PTPRD: variants seen among roughly 807,000 people sequenced by gnomAD.
The protein encoded by PTPRD is protein tyrosine phosphatase receptor type D, also known as receptor-type tyrosine-protein phosphatase delta.
Under a neutral mutation model 214.5 loss-of-function variants are expected in PTPRD, and 34 were observed. The observed-to-expected ratio is 0.16, with a 90% CI of 0.12 to 0.21. PTPRD has a LOEUF of 0.21. Among genes scored for constraint, PTPRD ranks in the 10% least tolerant of loss-of-function variants. PTPRD has a pLI of 1.00. For missense variants in PTPRD, 2,545 were observed against 2,398.7 expected (o/e 1.06, Z -1.27); for synonymous variants, 1,128 against 845.7 (o/e 1.33, Z -5.79).
intron 12 of PTPRD, among the ~76,000 whole-genome samples, chr9:8,730,582 C>T (rs1276295733): frequency 2.6e-5 from 4 of 152,172 alleles, no homozygotes; most frequent in Admixed American, 6.5e-5. Flanking sequence ...AAAGAAGATG[C>T]TAACAGTAGG....
At chr9:9,697,271 G>A (rs1165263081) in intron 7 of PTPRD, among the ~76,000 whole-genome samples, 1 of 151,974 alleles carries the variant, frequency 6.6e-6, no homozygotes, top group Non-Finnish European at 1.5e-5. Context: ...TTTTACAAGT[G>A]AACTTAATAA....
intron 11 of PTPRD, among the ~76,000 whole-genome samples, chr9:8,840,149 C>A (rs1430189618): frequency 6.6e-6 from 1 of 152,100 alleles, no homozygotes; most frequent in Non-Finnish European, 1.5e-5. Context: ...AGTATTAGAG[C>A]AGTACACATT....
At chr9:10,610,663 A>T (rs1591966751) in intron 2 of PTPRD, among the ~76,000 whole-genome samples, 1 of 152,152 alleles carries the variant, frequency 6.6e-6, no homozygotes, top group Non-Finnish European at 1.5e-5. Flanking sequence ...GTTAGCTAAG[A>T]GCAGTAATAT....
At chr9:8,633,259 A>C (rs1364858173) in intron 14 of PTPRD, 58 bp downstream of exon 14, 6 of 1,577,120 alleles carry the variant, frequency 3.8e-6, no homozygotes, top group Admixed American at 1.9e-5. Context: ...ATGATGCTAC[A>C]AAAGAGATAC....
intron 3 of PTPRD, among the ~76,000 whole-genome samples, chr9:10,061,750 G>A (rs426448): frequency 0.17 from 25,093 of 151,984 alleles, 4,648 homozygotes; most frequent in African/African-American, 0.46. Flanking sequence ...TTAGGGCTGC[G>A]GAATAGATGT....
intron 5 of PTPRD, among the ~76,000 whole-genome samples, chr9:9,818,713 C>T (rs971228765): frequency 2.6e-5 from 4 of 151,932 alleles, no homozygotes; most frequent in Non-Finnish European, 5.9e-5. Context: ...GTCAGGAGTT[C>T]GAAGTCACCC....
At chr9:10,141,758 G>A (rs909045017) in intron 3 of PTPRD, among the ~76,000 whole-genome samples, 7 of 151,894 alleles carry the variant, frequency 4.6e-5, no homozygotes, top group Non-Finnish European at 8.8e-5. Flanking sequence ...CTACTTTAAA[G>A]TTCATATGGA....
chr9:10,244,120 G>A (rs528168588), intron 3 of PTPRD, among the ~76,000 whole-genome samples: 2 of 151,592 alleles, frequency 1.3e-5, no homozygotes, highest in South Asian at 4.2e-4. Context: ...TTTCATTGTA[G>A]TAATCTAATG....
At chr9:9,055,077 T>C (rs1040634469) in intron 10 of PTPRD, among the ~76,000 whole-genome samples, 1 of 152,176 alleles carries the variant, frequency 6.6e-6, no homozygotes, top group Non-Finnish European at 1.5e-5. Flanking sequence ...TGCAGCTATA[T>C]GGAAGAGTAA....
chr9:8,496,689 G>A (rs771020378), intron 26 of PTPRD, among the ~76,000 whole-genome samples: 1 of 152,132 alleles, frequency 6.6e-6, no homozygotes, highest in South Asian at 2.1e-4. Flanking sequence ...TACTGGATAT[G>A]CGATCCTGGA....
At chr9:9,624,933 T>A (rs1330458022) in intron 7 of PTPRD, among the ~76,000 whole-genome samples, 1 of 152,176 alleles carries the variant, frequency 6.6e-6, no homozygotes, top group East Asian at 1.9e-4. Context: ...TGCTTTTCTT[T>A]AACATTTGGT....
intron 11 of PTPRD, among the ~76,000 whole-genome samples, chr9:8,826,856 C>T (rs2154528465): frequency 6.6e-6 from 1 of 152,180 alleles, no homozygotes; most frequent in African/African-American, 2.4e-5. Context: ...CTTCTCCCAA[C>T]TCTCTAACCC....
intron 34 of PTPRD, among the ~76,000 whole-genome samples, chr9:8,444,643 A>G (rs2095658660): frequency 6.6e-6 from 1 of 152,186 alleles, no homozygotes; most frequent in Admixed American, 6.5e-5. Context: ...TCAAACGTAC[A>G]CAAAATTAAA....
At chr9:9,633,811 A>G (rs1276855025) in intron 7 of PTPRD, among the ~76,000 whole-genome samples, 1 of 152,184 alleles carries the variant, frequency 6.6e-6, no homozygotes, top group African/African-American at 2.4e-5. Context: ...GTTTTTGAAG[A>G]CTATTTCAAA....
intron 11 of PTPRD, among the ~76,000 whole-genome samples, chr9:8,823,318 A>G (rs2097109180): frequency 1.3e-5 from 2 of 152,120 alleles, no homozygotes; most frequent in Admixed American, 6.5e-5. Context: ...TTTGGTTTCA[A>G]TGATTCACAA....
chr9:8,415,046 G>A (rs2093830038), intron 35 of PTPRD, among the ~76,000 whole-genome samples: 1 of 151,830 alleles, frequency 6.6e-6, no homozygotes, highest in African/African-American at 2.4e-5. Context: ...AGGTGGGTGG[G>A]AAAAAGTAAA....
chr9:9,233,695 C>CA (rs1424454796), intron 9 of PTPRD, among the ~76,000 whole-genome samples: 4 of 151,722 alleles, frequency 2.6e-5, no homozygotes, highest in Non-Finnish European at 5.9e-5. Context: ...AGAAATAGAC[C>CA]AAAAAAAGGG....
intron 11 of PTPRD, among the ~76,000 whole-genome samples, chr9:9,018,197 G>C (rs1329577071): frequency 6.6e-6 from 1 of 151,844 alleles, no homozygotes; most frequent in Non-Finnish European, 1.5e-5. Flanking sequence ...TTCCACTATT[G>C]GGTGGTTGTT....
At chr9:9,707,143 G>A (rs1042194338) in intron 7 of PTPRD, among the ~76,000 whole-genome samples, 1 of 151,920 alleles carries the variant, frequency 6.6e-6, no homozygotes, top group African/African-American at 2.4e-5. Context: ...TGCCATAAAG[G>A]GATTCTTTTG....
Sources: gnomAD v4.1 joint callset for allele counts (sites outside exome capture counted in the v4.1 genomes callset) on GRCh38, gnomAD v4.1.1 for gene constraint, MANE v1.5 for transcripts, NCBI Gene and HGNC (gene_info 2026-07-23, HGNC 2026-07-21) for gene names.